The following DENND6A variants were observed in gnomAD, a reference collection of about 807,000 sequenced individuals.
DENND6A encodes protein DENND6A.
In DENND6A, 43 loss-of-function variants were observed where a neutral mutation model predicts 95.5. The observed-to-expected ratio is 0.45, with a 90% CI of 0.35 to 0.58. The LOEUF is 0.58. Among genes scored for constraint, DENND6A ranks in the 20% least tolerant of loss-of-function variants. The pLI is 0.00. For synonymous variants in DENND6A, 257 were observed against 260.4 expected, an observed-to-expected ratio of 0.99 and a Z score of 0.13; for missense variants, 574 against 736.0, an observed-to-expected ratio of 0.78 and a Z score of 2.55.
Position 57,692,915 on chromosome 3 carries a change from G to T in DENND6A, c.104C>A (p.Ala35Glu). ...EGREAPALVA[A>E]GGAPEDDEED... ...TTCATCGTCCTCTGGCGCGCCTCCC[G>T]CCGCCACAAGGGCCGGCGCCTCGCG... Residue 35 changes from alanine (A) to glutamate (E), a missense_variant, in exon 1 of 20, where the codon GCG becomes GAG. Ala to Glu is a moderately radical substitution (Grantham distance 107, BLOSUM62 -1). Transcript: ENST00000311128. 1 of 1,563,432 alleles carries T rather than the reference G, an allele frequency of 6.4e-7. No homozygotes were observed. The highest frequency in any genetic ancestry group is 8.6e-7 in the Non-Finnish European group (1 of 1,161,398).
Position 57,628,077 on chromosome 3 carries a change from T to G in DENND6A, c.*137A>C. ...AAAAAGGTCTGTTTATACAATACAG[T>G]CTTTCTACCCTGTAACTAGCATTCA... On this transcript the variant is annotated 3_prime_UTR_variant, in exon 20 of 20. Transcript: ENST00000311128. The G allele has an allele frequency of 7.8e-7, 1 of 1,278,398 alleles. No homozygotes were observed. The highest frequency in any genetic ancestry group is 1.5e-5 in the African/African-American group (1 of 67,196). The allele number at this position is 1,278,398 out of a possible 1,614,324, so 79.2% of individuals were successfully genotyped here.
At chr3:57,655,465 C>T (rs2071305891) in intron 9 of DENND6A, among the ~76,000 whole-genome samples, 1 of 152,188 alleles carries the variant, frequency 6.6e-6, no homozygotes, top group Non-Finnish European at 1.5e-5. Flanking sequence ...AAGGGTTGAG[C>T]ATCCCTAATG....
At position 57,630,909 on chromosome 3, in the gene DENND6A, T is replaced by C. The variant is rs780739359; in HGVS notation, c.1407+16A>G. On this transcript the variant is annotated intron_variant, in intron 16 of 19. Transcript: ENST00000311128. ...TTACAGTTAGAGGACCCAAATAGAT[T>C]TGAATATATTCATACCTTCCATGGG... The C allele has an allele frequency of 5.0e-6, 8 of 1,612,676 alleles. No homozygotes were observed. The highest frequency in any genetic ancestry group is 5.1e-6 in the Non-Finnish European group (6 of 1,179,662).
intron 9 of DENND6A, among the ~76,000 whole-genome samples, chr3:57,648,166 C>T (rs535843152): frequency 2.6e-5 from 4 of 152,112 alleles, no homozygotes; most frequent in South Asian, 2.1e-4. Flanking sequence ...GCAAAGTTTC[C>T]GAATACAAAA....
intron 4 of DENND6A, among the ~76,000 whole-genome samples, chr3:57,665,111 T>C (rs2071506185): frequency 6.8e-6 from 1 of 146,180 alleles, no homozygotes. Flanking sequence ...GGCACATATA[T>C]GGCACACATA....
At chr3:57,652,833 G>GTAATC (rs143966745) in intron 9 of DENND6A, among the ~76,000 whole-genome samples, 2,029 of 152,202 alleles carry the variant, frequency 0.013, 48 homozygotes, top group African/African-American at 0.046. Flanking sequence ...TAACTGTCCT[G>GTAATC]TAATCTGCAA....
chr3:57,642,595 C>T (rs1322524755), intron 11 of DENND6A, among the ~76,000 whole-genome samples: 1 of 151,990 alleles, frequency 6.6e-6, no homozygotes, highest in Non-Finnish European at 1.5e-5. Context: ...ATATTGTTGC[C>T]CGATCATTAG....
chr3:57,631,105 ACTCCCC>A, intron 15 of DENND6A, 127 bp from the exon 16 acceptor site: 1 of 730,398 alleles, frequency 1.4e-6, no homozygotes, highest in Non-Finnish European at 2.3e-6. Flanking sequence ...CAACTCCATC[ACTCCCC>A]ACAAGAGATA....
In DENND6A at chr3:57,634,772, G is replaced by A. The variant is rs530192309; in HGVS notation, c.1133-3C>T. 3.0e-5 allele frequency: 46 copies of A among 1,551,068 alleles called. No homozygotes were observed. In the East Asian group the frequency reaches 9.4e-4, roughly 32 times the overall value. On this transcript the variant is annotated splice_region_variant and splice_polypyrimidine_tract_variant and intron_variant, in intron 12 of 19. Coordinates refer to ENST00000311128, the MANE Select transcript of DENND6A (RefSeq NM_152678.3). ...TTTAACCTGCTTAGGAATTTCACCT[G>A]AAGGAAGCAGCATAAAGATTTTTAT...
chr3:57,665,542 T>G (rs562504506), intron 4 of DENND6A, among the ~76,000 whole-genome samples: 1 of 152,126 alleles, frequency 6.6e-6, no homozygotes, highest in Non-Finnish European at 1.5e-5. Context: ...CTAAGAGACA[T>G]TTCACAGGTA....
intron 9 of DENND6A, among the ~76,000 whole-genome samples, chr3:57,656,345 A>G (rs962822850): frequency 3.9e-5 from 6 of 152,226 alleles, no homozygotes; most frequent in African/African-American, 1.4e-4. Flanking sequence ...TGTTGCATGT[A>G]TCAACTGTTC....
intron 9 of DENND6A, 61 bp from the exon 10 acceptor site, chr3:57,646,499 CTACA>C (rs2071083586): frequency 2.0e-6 from 3 of 1,524,266 alleles, no homozygotes; most frequent in African/African-American, 2.8e-5. Flanking sequence ...TTTAAAATTC[CTACA>C]TAATCTTTCT....
chr3:57,636,508 T>G (rs959320152), intron 12 of DENND6A, among the ~76,000 whole-genome samples: 1 of 151,770 alleles, frequency 6.6e-6, no homozygotes, highest in Non-Finnish European at 1.5e-5. Context: ...GAAATGACAA[T>G]ATGGAGGGAA....
chr3:57,665,999 T>C (rs2071519754), intron 4 of DENND6A, 124 bp downstream of exon 4: 1 of 625,126 alleles, frequency 1.6e-6, no homozygotes, highest in African/African-American at 1.9e-5. Context: ...CTTTGGAAAT[T>C]CAGCTATATA....
intron 9 of DENND6A, among the ~76,000 whole-genome samples, chr3:57,651,031 AC>A (rs2071198857): frequency 6.6e-5 from 10 of 151,970 alleles, no homozygotes; most frequent in Admixed American, 6.6e-4. Context: ...TGATCTGACC[AC>A]CTTGGCCTCC....
chr3:57,692,571 G>A (rs1300650048), intron 1 of DENND6A, among the ~76,000 whole-genome samples: 2 of 152,244 alleles, frequency 1.3e-5, no homozygotes, highest in African/African-American at 2.4e-5. Context: ...GAGGGGCCTA[G>A]AGAGAACTTT....
At chr3:57,672,513 T>G in intron 1 of DENND6A, 75 bp from the exon 2 acceptor site, 5 of 1,441,272 alleles carry the variant, frequency 3.5e-6, no homozygotes, top group Non-Finnish European at 4.8e-6. Flanking sequence ...CCAGGCACGG[T>G]GGCTCACGCT....
chr3:57,679,228 G>A (rs2077137612), intron 1 of DENND6A, among the ~76,000 whole-genome samples: 1 of 152,202 alleles, frequency 6.6e-6, no homozygotes, highest in Admixed American at 6.5e-5. Flanking sequence ...AGGATGCACT[G>A]GTATGGTTAC....
chr3:57,680,779 A>C (rs1322728271), intron 1 of DENND6A, among the ~76,000 whole-genome samples: 1 of 92,906 alleles, frequency 1.1e-5, no homozygotes, highest in East Asian at 4.3e-4. Context: ...ATAAAAATGA[A>C]AATGGCCAAT....
Sources: gnomAD v4.1 joint callset for allele counts (sites outside exome capture counted in the v4.1 genomes callset) on GRCh38, gnomAD v4.1.1 for gene constraint, MANE v1.5 for transcripts, NCBI Gene and HGNC (gene_info 2026-07-23, HGNC 2026-07-21) for gene names.